The following CDYL2 variants were observed in gnomAD, a reference collection of about 807,000 sequenced individuals.
CDYL2 encodes the protein chromodomain Y-like protein 2.
A neutral mutation model predicts 49.4 loss-of-function variants in CDYL2; 23 were observed. That is an observed-to-expected ratio of 0.47 (90% confidence interval 0.34 to 0.66). The LOEUF is 0.66. Ranked by LOEUF, CDYL2 falls within the 30% of genes least tolerant of loss-of-function variation. The pLI is 0.01. For synonymous variants in CDYL2, 360 were observed against 268.8 expected, an observed-to-expected ratio of 1.34 and a Z score of -3.32; for missense variants, 678 against 656.4, an observed-to-expected ratio of 1.03 and a Z score of -0.36.
At position 80,608,254 on chromosome 16, in the gene CDYL2, G is replaced by T; in HGVS notation, c.1219-19C>A. The T allele has an allele frequency of 6.5e-7, 1 of 1,548,374 alleles. No individual in the cohort carries two copies. On this transcript the variant is annotated intron_variant, in intron 5 of 6. Coordinates refer to ENST00000570137, the MANE Select transcript of CDYL2 (RefSeq NM_152342.4). ...CATTGGCCTGAAAAAGCAAAAGCAGGCAAAGACTGAGGGCCTGGAGGTCCA... is the reference window on the plus strand; with the variant it reads ...CATTGGCCTGAAAAAGCAAAAGCAGTCAAAGACTGAGGGCCTGGAGGTCCA...
chr16:80,604,536 TC>T lies in CDYL2; in HGVS notation c.1372del (p.Glu458SerfsTer10). ...MASCSAVVLE[E>X]SKCLVRSFLK... The stretch of plus-strand genomic sequence containing the variant: ...GAAGCTCCGCACGAGGCATTTGGAC[TC>T]CTCTAACACCTAGAGGGAAATAGAC... On this transcript the variant is annotated frameshift_variant, in exon 7 of 7. Coordinates refer to ENST00000570137, the MANE Select transcript of CDYL2 (RefSeq NM_152342.4). LOFTEE classifies it high-confidence loss of function. 6.2e-7 allele frequency: 1 copy of T among 1,614,192 alleles called. No individual in the cohort carries two copies. Among genetic ancestry groups the T allele is most frequent in the Non-Finnish European group, 8.5e-7 (1 of 1,180,030 alleles).
chr16:80,692,312 C>A (rs1441151378), intron 1 of CDYL2, among the ~76,000 whole-genome samples: 1 of 152,134 alleles, frequency 6.6e-6, no homozygotes, highest in East Asian at 1.9e-4. Context: ...AAAATCAGGC[C>A]AACTTCAGAA....
intron 3 of CDYL2, among the ~76,000 whole-genome samples, chr16:80,623,012 C>T (rs932954804): frequency 1.3e-5 from 2 of 152,190 alleles, no homozygotes; most frequent in Non-Finnish European, 2.9e-5. Flanking sequence ...CTCAAAGCAA[C>T]ATGTCAGGAA....
chr16:80,725,433 C>G (rs1207329109), intron 1 of CDYL2, among the ~76,000 whole-genome samples: 1 of 152,322 alleles, frequency 6.6e-6, no homozygotes, highest in South Asian at 2.1e-4. Flanking sequence ...GACTGCAAGC[C>G]CCATGTAGCT....
At chr16:80,616,249 A>G (rs1274351546) in intron 4 of CDYL2, among the ~76,000 whole-genome samples, 7 of 152,170 alleles carry the variant, frequency 4.6e-5, no homozygotes, top group East Asian at 1.9e-4. Context: ...GGGAAAATCA[A>G]TGATGTTGCC....
At chr16:80,726,110 A>C (rs1409663302) in intron 1 of CDYL2, among the ~76,000 whole-genome samples, 3 of 152,248 alleles carry the variant, frequency 2.0e-5, no homozygotes, top group Non-Finnish European at 4.4e-5. Context: ...GTTTGATGAA[A>C]TAAGATTGCT....
chr16:80,604,498 G>C lies in CDYL2; in HGVS notation c.1411C>G (p.Leu471Val), dbSNP rs1278278097. The stretch of plus-strand genomic sequence containing the variant: ...CATTCCTTCTCGTTCACGTCTTCCA[G>C]CACTGATTTCAGGAAGCTCCGCACG... The part of the protein sequence containing the change: ...CLVRSFLKSV[L>V]EDVNEKECLM... The change falls in exon 7 of 7, where the codon CTG (leucine) becomes GTG (valine). Residue 471 changes from leucine to valine, a missense_variant. Leu to Val is a conservative substitution (Grantham distance 32, BLOSUM62 1). Around this residue, in one of 3 missense-constraint regions of CDYL2, gnomAD observed 153 missense variants for 150.6 expected, o/e 1.02. Coordinates refer to ENST00000570137, the MANE Select transcript of CDYL2 (RefSeq NM_152342.4). 2 of 1,614,076 alleles carry C rather than the reference G, an allele frequency of 1.2e-6. No homozygotes were observed. Among genetic ancestry groups the C allele is most frequent in the Non-Finnish European group, 1.7e-6 (2 of 1,180,026 alleles).
At chr16:80,680,338 T>TG (rs1403024946) in intron 2 of CDYL2, among the ~76,000 whole-genome samples, 1 of 152,184 alleles carries the variant, frequency 6.6e-6, no homozygotes, top group Non-Finnish European at 1.5e-5. Context: ...AATGTGGACA[T>TG]GGGGCCACAA....
At chr16:80,628,958 G>C (rs1195256755) in intron 3 of CDYL2, among the ~76,000 whole-genome samples, 2 of 152,158 alleles carry the variant, frequency 1.3e-5, no homozygotes, top group African/African-American at 4.8e-5. Flanking sequence ...GAGCAAGAGT[G>C]AGTGAAGCAA....
At chr16:80,699,279 GGATA>G (rs1904289141) in intron 1 of CDYL2, among the ~76,000 whole-genome samples, 1 of 152,076 alleles carries the variant, frequency 6.6e-6, no homozygotes, top group Non-Finnish European at 1.5e-5. Flanking sequence ...ACAGATGAAT[GGATA>G]AAGAAAATAT....
intron 5 of CDYL2, among the ~76,000 whole-genome samples, chr16:80,611,204 G>A (rs144254854): frequency 1.7e-3 from 252 of 152,290 alleles, no homozygotes; most frequent in African/African-American, 5.5e-3. Flanking sequence ...GGTCTGAAGA[G>A]CAGGGTTTTT....
intron 2 of CDYL2, among the ~76,000 whole-genome samples, chr16:80,648,828 A>T (rs1908463939): frequency 6.6e-6 from 1 of 152,178 alleles, no homozygotes; most frequent in Non-Finnish European, 1.5e-5. Context: ...CTGGGATACA[A>T]GCATGGTTCA....
chr16:80,726,412 T>C (rs765648894), intron 1 of CDYL2, among the ~76,000 whole-genome samples: 9 of 152,206 alleles, frequency 5.9e-5, no homozygotes, highest in Admixed American at 2.6e-4. Flanking sequence ...TAAAATAACA[T>C]TGAATTCTGA....
At chr16:80,670,103 G>C (rs1909437999) in intron 2 of CDYL2, among the ~76,000 whole-genome samples, 1 of 152,200 alleles carries the variant, frequency 6.6e-6, no homozygotes, top group African/African-American at 2.4e-5. Flanking sequence ...TCAGAAATAT[G>C]CTTTAAGTCC....
At chr16:80,758,568 G>A (rs1906395842) in intron 1 of CDYL2, among the ~76,000 whole-genome samples, 2 of 108,892 alleles carry the variant, frequency 1.8e-5, no homozygotes. Context: ...TTTTGTGACT[G>A]AGTCCACACT....
At chr16:80,642,728 C>T (rs975844452) in intron 2 of CDYL2, among the ~76,000 whole-genome samples, 2 of 152,008 alleles carry the variant, frequency 1.3e-5, no homozygotes, top group Admixed American at 6.6e-5. Context: ...AAGTGGAAAC[C>T]CTTGATAAAA....
chr16:80,711,077 G>A (rs1904579104), intron 1 of CDYL2, among the ~76,000 whole-genome samples: 1 of 152,108 alleles, frequency 6.6e-6, no homozygotes, highest in South Asian at 2.1e-4. Context: ...AAACATGCAG[G>A]GCAAAACATA....
At chr16:80,699,764 AT>A (rs1366806976) in intron 1 of CDYL2, among the ~76,000 whole-genome samples, 2 of 152,270 alleles carry the variant, frequency 1.3e-5, no homozygotes, top group African/African-American at 4.8e-5. Flanking sequence ...ATGTATTGAA[AT>A]ATACTATACT....
intron 4 of CDYL2, among the ~76,000 whole-genome samples, chr16:80,620,488 T>C (rs1258366908): frequency 6.6e-6 from 1 of 152,180 alleles, no homozygotes; most frequent in Non-Finnish European, 1.5e-5. Context: ...ATCAAAAGAA[T>C]GAAAGTGGGA....
Sources: gnomAD v4.1 joint callset for allele counts (sites outside exome capture counted in the v4.1 genomes callset) on GRCh38, gnomAD v4.1.1 for gene constraint, gnomAD v4.1.1 regional missense constraint, MANE v1.5 for transcripts, NCBI Gene and HGNC (gene_info 2026-07-23, HGNC 2026-07-21) for gene names.